The following NUDT3 variants were observed in gnomAD, a reference collection of about 807,000 sequenced individuals.
NUDT3 encodes nudix hydrolase 3.
A neutral mutation model predicts 23.6 loss-of-function variants in NUDT3; 9 were observed. That is an observed-to-expected ratio of 0.38 (90% confidence interval 0.23 to 0.66). The LOEUF (loss-of-function observed/expected upper bound fraction) is 0.66, where lower values mean the gene tolerates loss of function less well. Ranked by LOEUF, NUDT3 falls within the 30% of genes least tolerant of loss-of-function variation. The pLI is 0.52. For missense variants in NUDT3, 172 were observed against 218.5 expected, an observed-to-expected ratio of 0.79 and a Z score of 1.34; for synonymous variants, 86 against 82.6, an observed-to-expected ratio of 1.04 and a Z score of -0.22.
chr6:34,334,466 C>A (rs1764175362), intron 2 of NUDT3, among the ~76,000 whole-genome samples: 1 of 151,204 alleles, frequency 6.6e-6, no homozygotes, highest in African/African-American at 2.4e-5. Flanking sequence ...ATGGTGAAAC[C>A]CCGTCTCTAC....
chr6:34,335,292 C>T (rs1764192326), intron 2 of NUDT3, among the ~76,000 whole-genome samples: 1 of 152,086 alleles, frequency 6.6e-6, no homozygotes, highest in African/African-American at 2.4e-5. Flanking sequence ...GTCAGTGTGG[C>T]CTATCAGGTC....
At chr6:34,346,042 T>G (rs1431995560) in intron 1 of NUDT3, among the ~76,000 whole-genome samples, 2 of 152,168 alleles carry the variant, frequency 1.3e-5, no homozygotes, top group Admixed American at 1.3e-4. Context: ...GTGTTGGGAT[T>G]ACAGGTGTGA....
chr6:34,325,723 T>C (rs946617930), intron 2 of NUDT3, among the ~76,000 whole-genome samples: 53 of 152,322 alleles, frequency 3.5e-4, no homozygotes, highest in African/African-American at 1.3e-3. Flanking sequence ...TCCTCACATA[T>C]AATGTACTAA....
intron 1 of NUDT3, among the ~76,000 whole-genome samples, chr6:34,382,154 C>T (rs930936602): frequency 3.3e-5 from 5 of 150,560 alleles, no homozygotes; most frequent in African/African-American, 7.3e-5. Context: ...CCCAACACTT[C>T]GGGAGGGCAA....
intron 1 of NUDT3, among the ~76,000 whole-genome samples, chr6:34,366,462 G>A (rs1426227562): frequency 8.2e-6 from 1 of 122,598 alleles, no homozygotes; most frequent in Non-Finnish European, 1.7e-5. Flanking sequence ...GAGAGAGAAA[G>A]AGAGAGAGGG....
In NUDT3 at chr6:34,289,035, CTTT is replaced by C. The variant is rs878923476; in HGVS notation, c.341-107_341-105del. ...AACATTAAAGCAATGTTTCTTAACA[CTTT>C]TTTTCCTTACAAAAATAACTCAAGC... is the stretch of plus-strand genomic sequence containing the variant. On this transcript the variant is annotated intron_variant, in intron 4 of 4. Transcript: ENST00000607016. 6 of 1,349,208 alleles carry C rather than the reference CTTT, an allele frequency of 4.4e-6. No homozygotes were observed. The African/African-American group carries it at 9.0e-5, about 20-fold the overall frequency. The allele number at this position is 1,349,208 out of a possible 1,614,324, so 83.6% of individuals were successfully genotyped here.
chr6:34,349,034 T>C (rs1435372601), intron 1 of NUDT3, among the ~76,000 whole-genome samples: 1 of 152,026 alleles, frequency 6.6e-6, no homozygotes, highest in Non-Finnish European at 1.5e-5. Flanking sequence ...TTTAAAATAA[T>C]ATATTTATTA....
chr6:34,349,247 C>T (rs1298246672), intron 1 of NUDT3, among the ~76,000 whole-genome samples: 1 of 152,008 alleles, frequency 6.6e-6, no homozygotes, highest in African/African-American at 2.4e-5. Context: ...TGCAGTAATT[C>T]AGGTTGAGAA....
At chr6:34,351,198 T>TTAAAAAAAAAAAAAAAAAAAA (rs1764462307) in intron 1 of NUDT3, among the ~76,000 whole-genome samples, 4 of 17,888 alleles carry the variant, frequency 2.2e-4, no homozygotes, top group Non-Finnish European at 2.3e-4. Flanking sequence ...CTCCCCTGCC[T>TTAAAAAAAAAAAAAAAAAAAA]AAAAAAAAAA....
chr6:34,315,017 T>TA (rs1763837276), intron 2 of NUDT3, among the ~76,000 whole-genome samples: 1 of 152,114 alleles, frequency 6.6e-6, no homozygotes, highest in South Asian at 2.1e-4. Context: ...GCTGGGAAAA[T>TA]AAATCAGGAC....
At chr6:34,384,552 A>G (rs1341168346) in intron 1 of NUDT3, among the ~76,000 whole-genome samples, 2 of 152,176 alleles carry the variant, frequency 1.3e-5, no homozygotes, top group South Asian at 2.1e-4. Context: ...CAGAGGCTCT[A>G]AAAAAGGAAA....
chr6:34,360,718 A>C (rs1764637426), intron 1 of NUDT3, among the ~76,000 whole-genome samples: 1 of 152,092 alleles, frequency 6.6e-6, no homozygotes, highest in Admixed American at 6.6e-5. Flanking sequence ...TCAAATAACT[A>C]GTTTTTTTTT....
intron 2 of NUDT3, among the ~76,000 whole-genome samples, chr6:34,323,628 G>C (rs1763979455): frequency 6.6e-6 from 1 of 151,762 alleles, no homozygotes; most frequent in Admixed American, 6.6e-5. Context: ...GAAGAGAAGA[G>C]AAAAAAGAGA....
At chr6:34,291,863 T>C (rs539928593) in intron 4 of NUDT3, among the ~76,000 whole-genome samples, 3 of 152,294 alleles carry the variant, frequency 2.0e-5, no homozygotes, top group Admixed American at 1.3e-4. Flanking sequence ...ATCGGACACA[T>C]GTCATTCATT....
intron 2 of NUDT3, among the ~76,000 whole-genome samples, chr6:34,333,961 AAAGCAGT>A (rs1263225149): frequency 2.0e-5 from 3 of 152,222 alleles, no homozygotes; most frequent in African/African-American, 4.8e-5. Flanking sequence ...ACACAAAATA[AAAGCAGT>A]AAGCTAAGAG....
chr6:34,279,707 T>C lies in NUDT3; in HGVS notation c.*9046A>G, dbSNP rs1763260683. Reference sequence around the variant, plus strand: ...GTGTGAAATACTGGTTTTTATTGGTTGGCACAAGATTACAACCTACAATTT... The same window carrying C: ...GTGTGAAATACTGGTTTTTATTGGTCGGCACAAGATTACAACCTACAATTT... On this transcript the variant is annotated 3_prime_UTR_variant, in exon 5 of 5. Transcript: ENST00000607016. 6.6e-6 allele frequency: 1 copy of C among 152,126 alleles called. No individual in the cohort carries two copies. The highest frequency in any genetic ancestry group is 1.5e-5 in the Non-Finnish European group (1 of 68,034). 9.4% of individuals were successfully genotyped at this position (152,126 alleles called of 1,614,324 possible). A position where few individuals can be genotyped will look rare whatever the true frequency, so the allele number is the denominator to read the frequency against.
At chr6:34,356,809 G>A (rs982594846) in intron 1 of NUDT3, among the ~76,000 whole-genome samples, 1 of 151,896 alleles carries the variant, frequency 6.6e-6, no homozygotes. Context: ...ACGGAGTCTC[G>A]CTCTGTTGCC....
intron 1 of NUDT3, among the ~76,000 whole-genome samples, chr6:34,366,667 T>G (rs887552737): frequency 6.6e-6 from 1 of 151,424 alleles, no homozygotes; most frequent in African/African-American, 2.4e-5. Context: ...AAGCAATCCT[T>G]GCCCTTCAGC....
intron 1 of NUDT3, among the ~76,000 whole-genome samples, chr6:34,344,298 C>G (rs1764331724): frequency 6.6e-6 from 1 of 151,980 alleles, no homozygotes; most frequent in South Asian, 2.1e-4. Context: ...ACTCAAATAT[C>G]CAATAAGAGT....
Sources: gnomAD v4.1 joint callset for allele counts (sites outside exome capture counted in the v4.1 genomes callset) on GRCh38, gnomAD v4.1.1 for gene constraint, MANE v1.5 for transcripts, NCBI Gene and HGNC (gene_info 2026-07-23, HGNC 2026-07-21) for gene names.